EML6: variants seen among roughly 807,000 people sequenced by gnomAD.
The protein encoded by EML6 is echinoderm microtubule-associated protein-like 6.
In EML6, 154 loss-of-function variants were observed where a neutral mutation model predicts 240.1. That is an observed-to-expected ratio of 0.64 (90% CI 0.56 to 0.73). EML6 has a LOEUF of 0.73. Among genes scored for constraint, EML6 ranks in the 30% least tolerant of loss-of-function variants. The probability of loss-of-function intolerance (pLI) is 0.00; values close to 1 mark genes in which losing one functional copy is unlikely to be tolerated. For missense variants in EML6, 2,964 were observed against 2,474.6 expected (o/e 1.20, Z -4.20); for synonymous variants, 1,148 against 899.0 (o/e 1.28, Z -4.95).
chr2:54,788,698 G>T (rs1156598135), intron 2 of EML6, among the ~76,000 whole-genome samples: 1 of 152,166 alleles, frequency 6.6e-6, no homozygotes, highest in Non-Finnish European at 1.5e-5. Context: ...CATTTTATTG[G>T]AAATTCCTGT....
In EML6 at chr2:54,959,217, A is replaced by G; in HGVS notation, c.4809A>G (p.Thr1603=). 1 of 1,551,388 alleles carries G rather than the reference A, an allele frequency of 6.4e-7. No individual in the cohort carries two copies. The highest frequency in any genetic ancestry group is 8.7e-7 in the Non-Finnish European group (1 of 1,146,864). The stretch of plus-strand genomic sequence containing the variant: ...CAGGCCCCGTGTTCACAATGTACAC[A>G]ACCCTTCGGGATGGACTCATAGTGA... ...AHTGPVFTMY[T]TLRDGLIVTG... is the part of the protein sequence containing the mutation. The change falls in exon 34 of 42, where the codon ACA becomes ACG. Residue 1603 remains threonine, a synonymous_variant. Transcript: ENST00000356458.
At chr2:54,850,933 A>C (rs1417516943) in intron 10 of EML6, among the ~76,000 whole-genome samples, 3 of 152,234 alleles carry the variant, frequency 2.0e-5, no homozygotes, top group Non-Finnish European at 4.4e-5. Context: ...TGAGCAAACA[A>C]AAGAAAGTTG....
chr2:54,958,469 G>C (rs1021022112), intron 33 of EML6, among the ~76,000 whole-genome samples: 10 of 152,098 alleles, frequency 6.6e-5, no homozygotes, highest in Admixed American at 3.3e-4. Flanking sequence ...TAGGATTACA[G>C]GTGTGAGCCA....
At chr2:54,945,043 C>T (rs1675612355) in intron 28 of EML6, among the ~76,000 whole-genome samples, 1 of 125,406 alleles carries the variant, frequency 8.0e-6, no homozygotes, top group African/African-American at 3.1e-5. Flanking sequence ...CTCCTTCACT[C>T]CTTCCCTCCT....
intron 26 of EML6, among the ~76,000 whole-genome samples, chr2:54,923,243 A>G (rs1674355005): frequency 6.6e-6 from 1 of 151,978 alleles, no homozygotes; most frequent in Non-Finnish European, 1.5e-5. Flanking sequence ...GCCTGGCCAA[A>G]GAGTATAAAC....
Position 54,911,542 on chromosome 2 carries a change from A to G in EML6, c.3498+500A>G, listed in dbSNP as rs564416062. ...CCTCCCAGGTTAATGTGATTCTCCC[A>G]CCACAGCCTCCCTAATAGCTGGGAT... On this transcript the variant is annotated intron_variant, in intron 25 of 41. Transcript: ENST00000356458. 3.3e-5 allele frequency among the ~76,000 whole-genome samples: 5 copies of G among 151,196 alleles called. No individual in the cohort carries two copies. The South Asian group carries it at 1.0e-3, about 32-fold the overall frequency.
Position 54,954,076 on chromosome 2 carries a change from A to G in EML6, c.4406A>G (p.Asn1469Ser), listed in dbSNP as rs748722436. Residue 1469 changes from asparagine to serine, a missense_variant, in exon 32 of 42, where the codon AAC becomes AGC. Coordinates refer to ENST00000356458, the MANE Select transcript of EML6 (RefSeq NM_001039753.4). ...CFHSKGVNYI[N>S]FSATGKLLVS... ...CACTCCAAGGGGGTGAATTACATCA[A>G]CTTCAGTGCAACTGGAAAGCTCCTG... 6.4e-7 allele frequency: 1 copy of G among 1,550,892 alleles called. No homozygotes were observed. Among genetic ancestry groups the G allele is most frequent in the South Asian group, 1.2e-5 (1 of 83,956 alleles).
intron 28 of EML6, among the ~76,000 whole-genome samples, chr2:54,932,101 C>T (rs979606714): frequency 1.3e-5 from 2 of 152,196 alleles, no homozygotes; most frequent in African/African-American, 2.4e-5. Context: ...ATATGATCTT[C>T]AGTTCTAATC....
At chr2:54,869,745 GTATAAT>G (rs1336355366) in intron 15 of EML6, among the ~76,000 whole-genome samples, 9 of 152,110 alleles carry the variant, frequency 5.9e-5, no homozygotes, top group Admixed American at 5.9e-4. Flanking sequence ...AACATCTAGA[GTATAAT>G]TATATTTGTA....
intron 26 of EML6, among the ~76,000 whole-genome samples, chr2:54,926,635 G>A (rs985032042): frequency 3.9e-5 from 6 of 152,208 alleles, no homozygotes; most frequent in Non-Finnish European, 8.8e-5. Flanking sequence ...AGCTGGTTTC[G>A]CAGAACCTTC....
At chr2:54,728,031 A>G (rs993069311) in intron 2 of EML6, among the ~76,000 whole-genome samples, 45 of 152,240 alleles carry the variant, frequency 3.0e-4, no homozygotes, top group Non-Finnish European at 7.3e-5. Context: ...GGCATAATAT[A>G]ATTTACTGAA....
chr2:54,799,123 C>G (rs1035140793), intron 2 of EML6, among the ~76,000 whole-genome samples: 1 of 152,120 alleles, frequency 6.6e-6, no homozygotes, highest in African/African-American at 2.4e-5. Flanking sequence ...TGCAGTGGCA[C>G]CATCTCGGTT....
chr2:54,815,163 A>G (rs2104065728), intron 3 of EML6, among the ~76,000 whole-genome samples: 1 of 152,000 alleles, frequency 6.6e-6, no homozygotes, highest in African/African-American at 2.4e-5. Context: ...CTTTAACTTC[A>G]TTTTTGTCCA....
Position 54,834,291 on chromosome 2 carries a change from C to T in EML6, c.847+4814C>T, listed in dbSNP as rs1478592849. On this transcript the variant is annotated intron_variant, in intron 7 of 41. Transcript: ENST00000356458. ...CAACAGTGCATGCTGAGTCTGATCA[C>T]TTTTAAAACACATTTATGATCTGGG... 3.3e-5 allele frequency among the ~76,000 whole-genome samples: 5 copies of T among 152,164 alleles called. No homozygotes were observed. In the South Asian group the frequency reaches 1.0e-3, roughly 32 times the overall value.
rs1293357414 is a variant in EML6 at position 54,853,878 on chromosome 2, A to G, written c.1657+23A>G. Reference sequence around the variant, plus strand: ...GAGGTAAGGCCAAAAGAGATGTTTCATTGCATAAAGATTTACTCTAAACTG... The same window carrying G: ...GAGGTAAGGCCAAAAGAGATGTTTCGTTGCATAAAGATTTACTCTAAACTG... On this transcript the variant is annotated intron_variant, in intron 11 of 41. Coordinates refer to ENST00000356458, the MANE Select transcript of EML6 (RefSeq NM_001039753.4). The G allele has an allele frequency of 1.1e-5, 16 of 1,489,724 alleles. No individual in the cohort carries two copies. The East Asian group carries it at 2.0e-4, about 18-fold the overall frequency. The allele number at this position is 1,489,724 out of a possible 1,614,324, so 92.3% of individuals were successfully genotyped here. A position where few individuals can be genotyped will look rare whatever the true frequency, so the allele number is the denominator to read the frequency against.
chr2:54,821,925 CAAAG>C lies in EML6; in HGVS notation c.525+1467_525+1470del, dbSNP rs561582614. ...GAAAGATTTTTTTAAAATGTAAAAG[CAAAG>C]AAATCGTAAGGAATAATACTGATGC... On this transcript the variant is annotated intron_variant, in intron 5 of 41. Transcript: ENST00000356458. Among the ~76,000 whole-genome samples the C allele has an allele frequency of 6.4e-3, 979 of 151,972 alleles. 7 individuals are homozygous for C. Among genetic ancestry groups the C allele is most frequent in the Non-Finnish European group, 0.011 (729 of 67,916 alleles).
chr2:54,891,255 A>G (rs1672453465), intron 18 of EML6, 101 bp downstream of exon 18: 2 of 567,380 alleles, frequency 3.5e-6, no homozygotes, highest in South Asian at 7.0e-5. Flanking sequence ...TGTCTCTGCA[A>G]TCTAAAATAA....
At chr2:54,825,356 C>T (rs10197243) in intron 5 of EML6, among the ~76,000 whole-genome samples, 22,452 of 152,092 alleles carry the variant, frequency 0.15, 1,856 homozygotes, top group Admixed American at 0.27. Flanking sequence ...AAGCTTATAC[C>T]TAACTAGCTT....
At chr2:54,949,438 C>T (rs531276255) in intron 29 of EML6, among the ~76,000 whole-genome samples, 8 of 152,296 alleles carry the variant, frequency 5.3e-5, no homozygotes, top group South Asian at 2.1e-4. Context: ...ATTTTCCCGA[C>T]GAGGACGCTG....
Sources: allele counts gnomAD v4.1 joint callset (sites outside exome capture counted in the v4.1 genomes callset), GRCh38; gene constraint gnomAD v4.1.1; transcripts MANE v1.5; gene names NCBI Gene and HGNC (gene_info 2026-07-23, HGNC 2026-07-21).